Variants in CBR3 observed in about 807,000 individuals in gnomAD.
CBR3 encodes the protein carbonyl reductase 3.
In CBR3, 14 loss-of-function variants were observed where a neutral mutation model predicts 11.6. The ratio of observed to expected loss-of-function variants is 1.20; its 90% CI spans 0.79 to 1.88. The LOEUF (loss-of-function observed/expected upper bound fraction) is 1.88. Among genes scored for constraint, CBR3 ranks in the 40% most tolerant of loss-of-function variants. The probability of loss-of-function intolerance (pLI) is 0.00; values close to 1 mark genes in which losing one functional copy is unlikely to be tolerated. For missense variants in CBR3, 308 were observed against 357.3 expected (o/e 0.86, Z 1.11); for synonymous variants, 125 against 145.6 (o/e 0.86, Z 1.02).
At position 36,137,850 on chromosome 21, in the gene CBR3, T is replaced by C; in HGVS notation, c.315T>C (p.Ile105=). 6.2e-7 allele frequency: 1 copy of C among 1,607,320 alleles called. No homozygotes were observed. Among genetic ancestry groups the C allele is most frequent in the South Asian group, 1.1e-5 (1 of 90,962 alleles). The change falls in exon 2 of 3, where the codon ATT becomes ATC. Residue 105 remains isoleucine (I), a synonymous_variant. Coordinates refer to ENST00000290354, the MANE Select transcript of CBR3 (RefSeq NM_001236.4). Reference sequence around the variant, plus strand: ...GTGATGATCCAATGCCCTTTGACATTAAAGCTGAGATGACACTGAAGACAA... The same window carrying C: ...GTGATGATCCAATGCCCTTTGACATCAAAGCTGAGATGACACTGAAGACAA... ...FKSDDPMPFD[I]KAEMTLKTNF...
intron 2 of CBR3, chr21:36,141,824 A>C: frequency 1.7e-6 from 1 of 588,548 alleles, no homozygotes; most frequent in Non-Finnish European, 2.1e-6. Context: ...ATCAAAGAGG[A>C]CACCTCCTCC....
intron 1 of CBR3, 77 bp downstream of exon 1, chr21:36,135,558 C>T: frequency 7.3e-7 from 1 of 1,376,130 alleles, no homozygotes. Flanking sequence ...GCTCCCCACC[C>T]GTCCACTTGA....
chr21:36,145,647 T>C (rs1007356895), intron 2 of CBR3, among the ~76,000 whole-genome samples: 1 of 152,248 alleles, frequency 6.6e-6, no homozygotes, highest in African/African-American at 2.4e-5. Context: ...GCCACTTTTT[T>C]GTTTTTAATC....
intron 2 of CBR3, chr21:36,138,739 CTTTTCTT>C (rs2065683247): frequency 7.3e-6 from 1 of 137,784 alleles, no homozygotes; most frequent in Admixed American, 7.2e-5. Flanking sequence ...CTTTTTTTTT[CTTTTCTT>C]TTTTTTTTTT....
At position 36,135,525 on chromosome 21, in the gene CBR3, G is replaced by C. The variant is rs1168361753; in HGVS notation, c.289+44G>C. The C allele has an allele frequency of 5.9e-6, 9 of 1,520,962 alleles. No individual in the cohort carries two copies. In the East Asian group the frequency reaches 7.2e-5, roughly 12 times the overall value. The allele number at this position is 1,520,962 out of a possible 1,614,324, so 94.2% of individuals were successfully genotyped here. On this transcript the variant is annotated intron_variant, in intron 1 of 2. Transcript: ENST00000290354. The stretch of plus-strand genomic sequence containing the variant: ...TTGGGGCCCCCTGGAGCGCTCCGAG[G>C]GTGCGGAGGTGGCCAGCCGCAGGCT...
chr21:36,140,682 G>A (rs992229627), intron 2 of CBR3, among the ~76,000 whole-genome samples: 3 of 152,104 alleles, frequency 2.0e-5, no homozygotes, highest in Admixed American at 6.5e-5. Flanking sequence ...AAGAGTACAA[G>A]TGCAATTCTC....
chr21:36,136,417 G>A (rs2065660527), intron 1 of CBR3, among the ~76,000 whole-genome samples: 1 of 152,138 alleles, frequency 6.6e-6, no homozygotes, highest in African/African-American at 2.4e-5. Context: ...GGGAGCAGAA[G>A]TCTCCACCCC....
chr21:36,146,419 G>A lies in CBR3; in HGVS notation c.741G>A (p.Gly247=). The change falls in exon 3 of 3, where the codon GGG becomes GGA. Residue 247 remains glycine (G), a synonymous_variant. Coordinates refer to ENST00000290354, the MANE Select transcript of CBR3 (RefSeq NM_001236.4). ...ACAGCATCAGGACTGTGGAGGAGGG[G>A]GCTGAGACCCCTGTCTACTTGGCCC... ...GKDSIRTVEE[G]AETPVYLALL... The A allele has an allele frequency of 6.2e-7, 1 of 1,614,178 alleles. No homozygotes were observed. Among genetic ancestry groups the A allele is most frequent in the Non-Finnish European group, 8.5e-7 (1 of 1,180,044 alleles).
intron 1 of CBR3, among the ~76,000 whole-genome samples, chr21:36,135,878 TTTCC>T (rs1376348906): frequency 1.3e-5 from 2 of 152,238 alleles, no homozygotes; most frequent in Non-Finnish European, 2.9e-5. Context: ...GGGCTTTCGC[TTTCC>T]TTGAAAGGGC....
chr21:36,145,983 C>T, intron 2 of CBR3, 93 bp from the exon 3 acceptor site: 1 of 687,072 alleles, frequency 1.5e-6, no homozygotes, highest in South Asian at 2.2e-5. Flanking sequence ...AAAAAAAAAC[C>T]TGCACCAAGA....
At chr21:36,137,499 AAAGAAAGGAAGGAAGGAAGG>A (rs1274840211) in intron 1 of CBR3, 146 of 182,436 alleles carry the variant, frequency 8.0e-4, no homozygotes, top group East Asian at 1.7e-3. Flanking sequence ...AAAAGAAAAG[AAAGAAAGGAAGGAAGGAAGG>A]AAGGAAGGAA....
intron 2 of CBR3, chr21:36,138,386 G>T (rs1050567113): frequency 1.3e-5 from 2 of 154,404 alleles, no homozygotes; most frequent in South Asian, 2.0e-4. Flanking sequence ...TGACCTTCAG[G>T]TGATCCACCC....
rs996529436 is a variant in CBR3, at chr21:36,146,407, T to G, written c.729T>G (p.Thr243=). The change falls in exon 3 of 3, where the codon ACT becomes ACG. Residue 243 remains threonine (T), a synonymous_variant. Coordinates refer to ENST00000290354, the MANE Select transcript of CBR3 (RefSeq NM_001236.4). ...TDMDGKDSIR[T]VEEGAETPVY... The stretch of plus-strand genomic sequence containing the variant: ...TGGATGGGAAAGACAGCATCAGGAC[T>G]GTGGAGGAGGGGGCTGAGACCCCTG... 1 of 1,614,170 alleles carries G rather than the reference T, an allele frequency of 6.2e-7. No individual in the cohort carries two copies. The highest frequency in any genetic ancestry group is 1.3e-5 in the African/African-American group (1 of 75,020).
Position 36,146,169 on chromosome 21 carries a change from C to A in CBR3, c.491C>A (p.Thr164Lys), listed in dbSNP as rs771040164. The A allele has an allele frequency of 3.7e-6, 6 of 1,614,024 alleles. No homozygotes were observed. Among genetic ancestry groups the A allele is most frequent in the South Asian group, 1.1e-5 (1 of 91,076 alleles). Reference protein sequence around the residue: ...LQERFHSETLTEGDLVDLMKK... With the variant: ...LQERFHSETLKEGDLVDLMKK... ...GAAAGGTTCCACAGTGAGACACTCACAGAAGGAGACCTGGTGGATCTCATG... is the reference window on the plus strand; with the variant it reads ...GAAAGGTTCCACAGTGAGACACTCAAAGAAGGAGACCTGGTGGATCTCATG... The change falls in exon 3 of 3, where the codon ACA (threonine) becomes AAA (lysine). Residue 164 changes from threonine (T) to lysine (K), a missense_variant. Thr to Lys is a moderately conservative substitution (Grantham distance 78). Coordinates refer to ENST00000290354, the MANE Select transcript of CBR3 (RefSeq NM_001236.4).
At chr21:36,141,298 A>T (rs4817781) in intron 2 of CBR3, 58,114 of 150,484 alleles carry the variant, frequency 0.39, 11,573 homozygotes, top group South Asian at 0.5. Context: ...CATCTGACCT[A>T]CCAAACACCA....
At chr21:36,145,211 C>A (rs1003903256) in intron 2 of CBR3, 5 of 152,188 alleles carry the variant, frequency 3.3e-5, no homozygotes, top group South Asian at 2.1e-4. Context: ...AAAGGGAGCC[C>A]CCCCTGTCAC....
In CBR3 at chr21:36,135,392, T is replaced by A; in HGVS notation, c.200T>A (p.Leu67Ter). The A allele has an allele frequency of 6.2e-7, 1 of 1,613,438 alleles. No homozygotes were observed. Among genetic ancestry groups the A allele is most frequent in the Non-Finnish European group, 8.5e-7 (1 of 1,179,792 alleles). The change falls in exon 1 of 3, where the codon TTG (leucine) becomes TAG (stop). Residue 67 changes from leucine (L) to a stop codon, truncating the protein, a stop_gained. Transcript: ENST00000290354. LOFTEE classifies it high-confidence loss of function. ...TTCCACCAACTGGACATCGACGACT[T>A]GCAGAGCATCCGCGCCCTGCGCGAC... is the stretch of plus-strand genomic sequence containing the variant. ...PRFHQLDIDDLQSIRALRDFL... is the reference protein window; with the variant it reads ...PRFHQLDIDD
intron 2 of CBR3, chr21:36,141,989 A>T (rs752665999): frequency 2.2e-5 from 18 of 802,640 alleles, no homozygotes; most frequent in Non-Finnish European, 2.6e-5. Context: ...CTGATGTAGT[A>T]TTCCTGGCCA....
intron 1 of CBR3, 74 bp from the exon 2 acceptor site, chr21:36,137,751 T>C (rs1275140730): frequency 2.2e-5 from 18 of 828,030 alleles, no homozygotes; most frequent in Non-Finnish European, 3.8e-5. Context: ...TGTTAGGAGT[T>C]AGGATCCACT....
Sources: gnomAD v4.1 joint callset for allele counts (sites outside exome capture counted in the v4.1 genomes callset) on GRCh38, gnomAD v4.1.1 for gene constraint, MANE v1.5 for transcripts, NCBI Gene and HGNC (gene_info 2026-07-23, HGNC 2026-07-21) for gene names.